Variants in PRKG1 observed in about 807,000 individuals in gnomAD.
PRKG1 encodes the protein cGMP-dependent protein kinase 1.
Under a neutral mutation model 88.1 loss-of-function variants are expected in PRKG1, and 35 were observed. The ratio of observed to expected loss-of-function variants is 0.40; its 90% confidence interval spans 0.30 to 0.53. PRKG1 has a LOEUF of 0.53. PRKG1 is among the 20% of genes least tolerant of loss of function. The pLI is 0.59. For synonymous variants in PRKG1, 303 were observed against 292.5 expected (o/e 1.04, Z -0.37); for missense variants, 540 against 839.8 (o/e 0.64, Z 4.41).
chr10:51,357,683 C>T lies in PRKG1; in HGVS notation c.479-110040C>T, dbSNP rs1335754495. Among the ~76,000 whole-genome samples, 7 of 151,942 alleles carry T rather than the reference C, an allele frequency of 4.6e-5. No individual in the cohort carries two copies. The East Asian group carries it at 1.4e-3, about 30-fold the overall frequency. On this transcript the variant is annotated intron_variant, in intron 2 of 17. Coordinates refer to ENST00000373980, the MANE Select transcript of PRKG1 (RefSeq NM_006258.4). ...CCATAGTCATTAGGGTTCTTTTTCC[C>T]ATTTCATAGTCTTTCACTACAACTT...
chr10:51,628,347 G>C (rs938924016), intron 3 of PRKG1, among the ~76,000 whole-genome samples: 1 of 151,114 alleles, frequency 6.6e-6, no homozygotes, highest in Non-Finnish European at 1.5e-5. Flanking sequence ...ATTTTTTGTA[G>C]AAATGAGGTC....
intron 7 of PRKG1, among the ~76,000 whole-genome samples, chr10:52,095,545 G>T (rs1847153289): frequency 6.6e-6 from 1 of 152,092 alleles, no homozygotes; most frequent in South Asian, 2.1e-4. Context: ...AGGGATCTTT[G>T]TCTCCTTTGT....
intron 4 of PRKG1, among the ~76,000 whole-genome samples, chr10:51,842,403 G>A (rs1840300234): frequency 6.6e-6 from 1 of 152,146 alleles, no homozygotes; most frequent in Non-Finnish European, 1.5e-5. Flanking sequence ...ACTAATGGAA[G>A]CAGACCATTT....
rs73343341 is a variant in PRKG1, at chr10:51,705,015, C to T, written c.593-99570C>T. Among the ~76,000 whole-genome samples, 903 of 152,238 alleles carry T rather than the reference C, an allele frequency of 5.9e-3. 7 individuals are homozygous for T. Among genetic ancestry groups the T allele is most frequent in the African/African-American group, 0.021 (854 of 41,536 alleles). On this transcript the variant is annotated intron_variant, in intron 3 of 17. Transcript: ENST00000373980. ...TTCCTACATATAACACACTCTGTTA[C>T]GTAGCTTCATTCTCATTACTTCTCT...
intron 2 of PRKG1, among the ~76,000 whole-genome samples, chr10:51,462,794 C>G (rs939623208): frequency 6.6e-6 from 1 of 152,128 alleles, no homozygotes; most frequent in African/African-American, 2.4e-5. Context: ...TTCTCTCATA[C>G]AAACAACTTT....
At chr10:51,570,274 G>A (rs1197002398) in intron 3 of PRKG1, among the ~76,000 whole-genome samples, 1 of 151,388 alleles carries the variant, frequency 6.6e-6, no homozygotes, top group African/African-American at 2.4e-5. Flanking sequence ...ACTGATGAGG[G>A]GAAACCTTAC....
intron 2 of PRKG1, among the ~76,000 whole-genome samples, chr10:51,190,825 T>C (rs1342334391): frequency 6.6e-6 from 1 of 151,824 alleles, no homozygotes; most frequent in Non-Finnish European, 1.5e-5. Flanking sequence ...CTTTGTAAAA[T>C]AAAAGTACAA....
chr10:52,036,401 G>A (rs1485551137), intron 5 of PRKG1, among the ~76,000 whole-genome samples: 5 of 150,694 alleles, frequency 3.3e-5, no homozygotes, highest in Admixed American at 3.3e-4. Context: ...TTTTAGGACA[G>A]GTAAAATGGG....
chr10:50,998,321 G>A lies in PRKG1; in HGVS notation c.266+6677G>A, dbSNP rs1403070545. ...GCACAAGTCATATGACAGCAAATAT[G>A]GAGCAGATTTCTTACTCAAACTATT... On this transcript the variant is annotated intron_variant, in intron 1 of 17. Coordinates refer to the PRKG1 transcript ENST00000401604. 3.9e-5 allele frequency among the ~76,000 whole-genome samples: 6 copies of A among 152,096 alleles called. No homozygotes were observed. The East Asian group carries it at 1.2e-3, about 29-fold the overall frequency.
intron 10 of PRKG1, among the ~76,000 whole-genome samples, chr10:52,261,835 A>G (rs150163617): frequency 8.1e-4 from 123 of 152,216 alleles, no homozygotes; most frequent in African/African-American, 2.8e-3. Context: ...AGAAATGTAT[A>G]TAATCCAACA....
chr10:51,001,793 T>C (rs1842892770), intron 1 of PRKG1, among the ~76,000 whole-genome samples: 1 of 152,124 alleles, frequency 6.6e-6, no homozygotes. Context: ...TTTCAACCAT[T>C]ACCACAAGAT....
chr10:50,994,025 T>C (rs1842808798), intron 1 of PRKG1, among the ~76,000 whole-genome samples: 1 of 152,214 alleles, frequency 6.6e-6, no homozygotes, highest in African/African-American at 2.4e-5. Flanking sequence ...GGAGTACTTT[T>C]CTACTTCCTC....
At chr10:52,249,216 G>T (rs1397424798) in intron 9 of PRKG1, among the ~76,000 whole-genome samples, 4 of 150,778 alleles carry the variant, frequency 2.7e-5, no homozygotes, top group African/African-American at 7.3e-5. Context: ...ATGTAAAAAA[G>T]CCCCCAACCT....
intron 5 of PRKG1, among the ~76,000 whole-genome samples, chr10:51,918,090 A>G (rs1482186431): frequency 6.6e-6 from 1 of 152,246 alleles, no homozygotes; most frequent in Admixed American, 6.5e-5. Context: ...TAATAACAAT[A>G]GTACTATTCT....
chr10:52,000,667 T>C (rs1006073299), intron 5 of PRKG1, among the ~76,000 whole-genome samples: 1 of 152,064 alleles, frequency 6.6e-6, no homozygotes, highest in African/African-American at 2.4e-5. Context: ...TCTTCTTCTA[T>C]CTCTTCTACT....
chr10:52,212,440 T>C (rs1840002537), intron 9 of PRKG1, among the ~76,000 whole-genome samples: 1 of 152,198 alleles, frequency 6.6e-6, no homozygotes, highest in Non-Finnish European at 1.5e-5. Flanking sequence ...TCCTAAACTG[T>C]TAATGTAACT....
At chr10:51,940,965 T>C (rs1431527969) in intron 5 of PRKG1, among the ~76,000 whole-genome samples, 3 of 151,950 alleles carry the variant, frequency 2.0e-5, no homozygotes, top group African/African-American at 7.3e-5. Context: ...CAAAGCTAGA[T>C]AGAGAAAAGT....
At chr10:51,030,751 CT>C (rs923132313) in intron 1 of PRKG1, among the ~76,000 whole-genome samples, 22 of 152,094 alleles carry the variant, frequency 1.4e-4, no homozygotes, top group African/African-American at 5.1e-4. Context: ...AAAAACCCCC[CT>C]CTCTCACCAT....
At chr10:51,575,459 G>C (rs1270291089) in intron 3 of PRKG1, among the ~76,000 whole-genome samples, 1 of 151,808 alleles carries the variant, frequency 6.6e-6, no homozygotes, top group Non-Finnish European at 1.5e-5. Flanking sequence ...TTCTTGGATT[G>C]AGATATTCTT....
Sources: gnomAD v4.1 joint callset for allele counts (sites outside exome capture counted in the v4.1 genomes callset) on GRCh38, gnomAD v4.1.1 for gene constraint, MANE v1.5 for transcripts, NCBI Gene and HGNC (gene_info 2026-07-23, HGNC 2026-07-21) for gene names.